UGGT2: variants seen among roughly 807,000 people sequenced by gnomAD.
UGGT2 encodes the protein UDP-glucose glycoprotein glucosyltransferase 2.
A neutral mutation model predicts 192.1 loss-of-function variants in UGGT2; 180 were observed. The observed-to-expected ratio is 0.94, with a 90% confidence interval of 0.83 to 1.06. The LOEUF is 1.06. Among genes scored for constraint, UGGT2 ranks in the 50% least tolerant of loss-of-function variants. The probability of loss-of-function intolerance (pLI) is 0.00; values close to 1 mark genes in which losing one functional copy is unlikely to be tolerated. For missense variants in UGGT2, 1,849 were observed against 1,795.7 expected (o/e 1.03, Z -0.54); for synonymous variants, 580 against 591.0 (o/e 0.98, Z 0.27).
chr13:95,808,031 T>C (rs1163805834), intron 38 of UGGT2, among the ~76,000 whole-genome samples: 2 of 152,090 alleles, frequency 1.3e-5, no homozygotes, highest in Non-Finnish European at 2.9e-5. Context: ...ATTACAGATG[T>C]TGAGTTTGGG....
At chr13:95,977,645 GA>G (rs2050980420) in intron 10 of UGGT2, among the ~76,000 whole-genome samples, 1 of 152,152 alleles carries the variant, frequency 6.6e-6, no homozygotes, top group African/African-American at 2.4e-5. Context: ...GATTCCTCAA[GA>G]ATCTAGAACC....
At chr13:96,012,167 A>G (rs1023660163) in intron 5 of UGGT2, among the ~76,000 whole-genome samples, 2 of 152,102 alleles carry the variant, frequency 1.3e-5, no homozygotes, top group Admixed American at 6.5e-5. Flanking sequence ...TATATGAAAA[A>G]TTAGCATATG....
At chr13:96,003,788 A>C (rs2051882866) in intron 5 of UGGT2, among the ~76,000 whole-genome samples, 1 of 152,198 alleles carries the variant, frequency 6.6e-6, no homozygotes, top group South Asian at 2.1e-4. Flanking sequence ...TGCATGAACA[A>C]TACCAGCAGA....
intron 33 of UGGT2, among the ~76,000 whole-genome samples, chr13:95,858,040 A>G: frequency 1.4e-5 from 2 of 146,728 alleles, no homozygotes; most frequent in South Asian, 2.2e-4. Context: ...GCATAGGAGG[A>G]GACACTGTTG....
At chr13:95,822,232 A>G (rs1885584746) in intron 38 of UGGT2, among the ~76,000 whole-genome samples, 1 of 152,018 alleles carries the variant, frequency 6.6e-6, no homozygotes, top group African/African-American at 2.4e-5. Context: ...TTCTTTCAGC[A>G]GTTTTCCTTG....
chr13:95,963,185 A>G (rs1430799041), intron 12 of UGGT2, among the ~76,000 whole-genome samples: 2 of 152,182 alleles, frequency 1.3e-5, no homozygotes, highest in African/African-American at 4.8e-5. Flanking sequence ...ATCCAAAAGC[A>G]TATCAAAAAT....
intron 29 of UGGT2, among the ~76,000 whole-genome samples, chr13:95,868,767 CCAGCTAGCAGAGCACTA>C: frequency 6.6e-6 from 1 of 152,244 alleles, no homozygotes; most frequent in East Asian, 1.9e-4. Context: ...AGTATAAAAG[CCAGCTAGCAGAGCACTA>C]CAGCTAGACC....
intron 38 of UGGT2, among the ~76,000 whole-genome samples, chr13:95,822,335 C>T (rs1028927245): frequency 8.6e-5 from 13 of 152,026 alleles, no homozygotes; most frequent in African/African-American, 3.1e-4. Flanking sequence ...TGATTTGTGT[C>T]TTAGCTTGGT....
intron 1 of UGGT2, among the ~76,000 whole-genome samples, chr13:96,039,404 T>C (rs1046402739): frequency 2.0e-5 from 3 of 152,152 alleles, no homozygotes; most frequent in African/African-American, 7.2e-5. Flanking sequence ...CCTCCCCAGA[T>C]CCTTCCTGGA....
intron 38 of UGGT2, among the ~76,000 whole-genome samples, chr13:95,811,289 A>G (rs1356306534): frequency 2.0e-5 from 3 of 152,198 alleles, no homozygotes; most frequent in Admixed American, 2.0e-4. Flanking sequence ...TCCACTTAAA[A>G]CCTGTATATA....
intron 37 of UGGT2, among the ~76,000 whole-genome samples, chr13:95,833,883 G>A (rs1886992471): frequency 6.6e-6 from 1 of 152,162 alleles, no homozygotes. Flanking sequence ...AAAGAATTAA[G>A]GCAGGAAGCA....
chr13:95,850,412 C>T (rs1888922942), intron 36 of UGGT2, among the ~76,000 whole-genome samples: 1 of 152,118 alleles, frequency 6.6e-6, no homozygotes, highest in Non-Finnish European at 1.5e-5. Flanking sequence ...ACTGTTAGGA[C>T]CTTTGGATAC....
chr13:95,877,604 A>T (rs1444010446), intron 28 of UGGT2, 94 bp downstream of exon 28: 10 of 1,398,296 alleles, frequency 7.2e-6, no homozygotes, highest in Middle Eastern at 1.9e-4. Context: ...ACTGTTCAGC[A>T]ACAGCAGAAT....
At chr13:95,871,770 T>TA (rs1193871840) in intron 29 of UGGT2, among the ~76,000 whole-genome samples, 1 of 152,136 alleles carries the variant, frequency 6.6e-6, no homozygotes, top group Non-Finnish European at 1.5e-5. Flanking sequence ...GTCCTGCCAA[T>TA]ATGGCAACCA....
chr13:95,869,357 T>C (rs1039185175), intron 29 of UGGT2, among the ~76,000 whole-genome samples: 1 of 152,202 alleles, frequency 6.6e-6, no homozygotes, highest in Admixed American at 6.5e-5. Context: ...TACGTGTGCA[T>C]GTGTCTTTAT....
At chr13:95,907,684 G>A (rs535788320) in intron 20 of UGGT2, among the ~76,000 whole-genome samples, 2 of 152,164 alleles carry the variant, frequency 1.3e-5, no homozygotes, top group Non-Finnish European at 2.9e-5. Context: ...CTAACAAACA[G>A]AAAGGAATAG....
intron 20 of UGGT2, among the ~76,000 whole-genome samples, chr13:95,923,052 CT>C (rs1166880130): frequency 6.6e-6 from 1 of 151,992 alleles, no homozygotes. Context: ...TCAGTACGTT[CT>C]TTTCTTCACT....
chr13:96,053,372 G>A lies in UGGT2; in HGVS notation c.-60C>T, dbSNP rs2053546607. ...GGTACCCACAGTCTGTGGCCGCCAC[G>A]CTTCGGCCGGCTCTTCCCGCTGCGC... is the stretch of plus-strand genomic sequence containing the variant. On this transcript the variant is annotated 5_prime_UTR_variant, in exon 1 of 39. Coordinates refer to ENST00000376747, the MANE Select transcript of UGGT2 (RefSeq NM_020121.4). 4 of 1,530,988 alleles carry A rather than the reference G, an allele frequency of 2.6e-6. No homozygotes were observed. The highest frequency in any genetic ancestry group is 2.5e-5 in the East Asian group (1 of 39,452). The allele number at this position is 1,530,988 out of a possible 1,614,324, so 94.8% of individuals were successfully genotyped here. A position where few individuals can be genotyped will look rare whatever the true frequency, so the allele number is the denominator to read the frequency against.
chr13:95,908,205 A>G (rs549094124), intron 20 of UGGT2, among the ~76,000 whole-genome samples: 1 of 152,222 alleles, frequency 6.6e-6, no homozygotes, highest in African/African-American at 2.4e-5. Context: ...GAGAAAAAAG[A>G]CTAAAAAGAA....
Sources: gnomAD v4.1 joint callset for allele counts (sites outside exome capture counted in the v4.1 genomes callset) on GRCh38, gnomAD v4.1.1 for gene constraint, MANE v1.5 for transcripts, NCBI Gene and HGNC (gene_info 2026-07-23, HGNC 2026-07-21) for gene names.